FOCAD: variants seen among roughly 807,000 people sequenced by gnomAD.
FOCAD encodes the protein focadhesin.
Under a neutral mutation model 225.6 loss-of-function variants are expected in FOCAD, and 198 were observed. That is an observed-to-expected ratio of 0.88 (90% confidence interval 0.78 to 0.99). The LOEUF is 0.99. FOCAD is among the 50% of genes least tolerant of loss of function. FOCAD has a pLI of 0.00. For synonymous variants in FOCAD, 897 were observed against 755.0 expected (o/e 1.19, Z -3.08); for missense variants, 2,713 against 2,123.6 (o/e 1.28, Z -5.46).
chr9:20,931,105 T>C (rs1055231698), intron 27 of FOCAD, among the ~76,000 whole-genome samples: 3 of 152,216 alleles, frequency 2.0e-5, no homozygotes, highest in Non-Finnish European at 4.4e-5. Context: ...CTGCTGCTTT[T>C]AGGCTGACAA....
intron 35 of FOCAD, among the ~76,000 whole-genome samples, chr9:20,963,890 G>A (rs1163659751): frequency 5.9e-5 from 9 of 152,124 alleles, no homozygotes; most frequent in Admixed American, 5.2e-4. Flanking sequence ...TGCCTTGCTT[G>A]TTTCTTCTCA....
intron 40 of FOCAD, among the ~76,000 whole-genome samples, chr9:20,987,015 C>G (rs186662640): frequency 6.6e-6 from 1 of 152,014 alleles, no homozygotes; most frequent in Non-Finnish European, 1.5e-5. Context: ...TGAATAAGAG[C>G]GCTCCCCCAT....
rs1459918562 is a variant in FOCAD, at chr9:20,926,314, T to C, written c.2975T>C (p.Phe992Ser). 1.2e-6 allele frequency: 2 copies of C among 1,606,904 alleles called. No individual in the cohort carries two copies. The highest frequency in any genetic ancestry group is 1.7e-6 in the Non-Finnish European group (2 of 1,173,790). ...ATTCATCTGCAGGTTCAACCTAATT[T>C]CCTTTCAATGAAAGAGTGGGTTTCC... is the stretch of plus-strand genomic sequence containing the variant. ...SDGLLEVQPN[F>S]LSMKEWVSMV... is the part of the protein sequence containing the mutation. The change falls in exon 26 of 44, where the codon TTC becomes TCC. Residue 992 changes from phenylalanine (F) to serine (S), a missense_variant. Coordinates refer to ENST00000338382, the MANE Select transcript of FOCAD (RefSeq NM_001375567.1).
chr9:20,817,279 T>C lies in FOCAD; in HGVS notation c.1456-2517T>C, dbSNP rs370702641. 7.9e-5 allele frequency among the ~76,000 whole-genome samples: 12 copies of C among 152,254 alleles called. No individual in the cohort carries two copies. The South Asian group carries it at 2.5e-3, about 32-fold the overall frequency. On this transcript the variant is annotated intron_variant, in intron 11 of 43. Transcript: ENST00000338382. Reference sequence around the variant, plus strand: ...ATGGCTTTTATTATATTTACAGAGTTTTGTAAACATTACTACAACGAATTT... The same window carrying C: ...ATGGCTTTTATTATATTTACAGAGTCTTGTAAACATTACTACAACGAATTT...
Position 20,926,306 on chromosome 9 carries a change from A to T in FOCAD, c.2967A>T (p.Gln989His). Residue 989 changes from glutamine (Q) to histidine (H), a missense_variant, in exon 26 of 44, where the codon CAA becomes CAT. Physicochemically the swap from Gln to His is conservative, Grantham distance 24. Coordinates refer to ENST00000338382, the MANE Select transcript of FOCAD (RefSeq NM_001375567.1). Reference sequence around the variant, plus strand: ...TGTTTTTAATTCATCTGCAGGTTCAACCTAATTTCCTTTCAATGAAAGAGT... The same window carrying T: ...TGTTTTTAATTCATCTGCAGGTTCATCCTAATTTCCTTTCAATGAAAGAGT... The part of the protein sequence containing the change: ...SSDSDGLLEV[Q>H]PNFLSMKEWV... The T allele has an allele frequency of 6.3e-7, 1 of 1,595,582 alleles. No homozygotes were observed. The highest frequency in any genetic ancestry group is 8.6e-7 in the Non-Finnish European group (1 of 1,163,608).
rs1282395425 is a variant in FOCAD at position 20,661,695 on chromosome 9, T to C, written c.-78+2869T>C. Among the ~76,000 whole-genome samples the C allele has an allele frequency of 2.2e-4, 33 of 152,212 alleles. 1 individual carries two copies. The highest frequency in any genetic ancestry group is 2.1e-3 in the Admixed American group (32 of 15,270). On this transcript the variant is annotated intron_variant, in intron 2 of 45. Transcript: ENST00000380249. ...TGTCTAATTTTCATATTGCTAAACA[T>C]AGGATACATTGAGTACATATTGCTG...
intron 1 of FOCAD, among the ~76,000 whole-genome samples, chr9:20,715,002 A>C (rs1825216694): frequency 6.6e-6 from 1 of 152,182 alleles, no homozygotes; most frequent in Non-Finnish European, 1.5e-5. Context: ...TCCACAAAAG[A>C]ATTAATTTCT....
intron 24 of FOCAD, 108 bp downstream of exon 24, chr9:20,917,045 G>C: frequency 1.2e-6 from 1 of 817,446 alleles, no homozygotes; most frequent in Non-Finnish European, 1.9e-6. Flanking sequence ...GGATTTTAGA[G>C]TACTTTTCAA....
chr9:20,821,616 G>A (rs1357506205), intron 14 of FOCAD, among the ~76,000 whole-genome samples: 1 of 151,964 alleles, frequency 6.6e-6, no homozygotes, highest in African/African-American at 2.4e-5. Flanking sequence ...TAATAAACAG[G>A]GTGGAGGTGA....
intron 1 of FOCAD, among the ~76,000 whole-genome samples, chr9:20,704,185 CTTTG>C (rs1417758585): frequency 6.6e-6 from 1 of 152,204 alleles, no homozygotes. Context: ...ACTGCGATAA[CTTTG>C]TTTTTGTCCT....
upstream of FOCAD, chr9:20,683,450 C>G (rs1822468962): frequency 6.6e-6 from 1 of 152,146 alleles, no homozygotes; most frequent in African/African-American, 2.4e-5. Context: ...CTCCGTCATA[C>G]CAGTCTCTCC....
intron 15 of FOCAD, among the ~76,000 whole-genome samples, chr9:20,858,212 A>G (rs1358138081): frequency 6.6e-6 from 1 of 151,752 alleles, no homozygotes; most frequent in Non-Finnish European, 1.5e-5. Context: ...CAATGAAGCC[A>G]TCAGATTATT....
Position 20,823,002 on chromosome 9 carries a change from G to T in FOCAD, c.1807G>T (p.Gly603Cys). 6.3e-7 allele frequency: 1 copy of T among 1,598,214 alleles called. No homozygotes were observed. Among genetic ancestry groups the T allele is most frequent in the Non-Finnish European group, 8.5e-7 (1 of 1,174,976 alleles). Residue 603 changes from glycine to cysteine, a missense_variant, in exon 15 of 44, where the codon GGT (glycine) becomes TGT (cysteine). Transcript: ENST00000338382. ...DICKQRPYQH[G>C]ADMLAAISQV... ...CATTTCTTGTAGGCCATATCAACAT[G>T]GTGCAGATATGTTGGCAGCTATTTC...
intron 3 of FOCAD, among the ~76,000 whole-genome samples, chr9:20,719,474 G>A (rs1825607319): frequency 6.6e-6 from 1 of 151,530 alleles, no homozygotes; most frequent in African/African-American, 2.4e-5. Flanking sequence ...GTTGCATCAG[G>A]AAAAAGGAAA....
At chr9:20,926,452 C>G (rs1834954534) in intron 26 of FOCAD, 35 bp downstream of exon 26, 1 of 1,293,494 alleles carries the variant, frequency 7.7e-7, no homozygotes, top group Non-Finnish European at 1.1e-6. Context: ...TCAGAAAACT[C>G]AAGAATTGAC....
upstream of FOCAD, chr9:20,684,251 C>T (rs945757885): frequency 2.0e-5 from 3 of 152,482 alleles, no homozygotes; most frequent in South Asian, 4.1e-4. Flanking sequence ...GGGCGGGCCA[C>T]GTCAGGCAGC....
intron 4 of FOCAD, among the ~76,000 whole-genome samples, chr9:20,721,836 C>T (rs532975930): frequency 2.5e-4 from 38 of 151,300 alleles, no homozygotes; most frequent in Non-Finnish European, 4.7e-4. Context: ...CTTTTTGGCA[C>T]CTTGGTCTTA....
chr9:20,950,671 C>G (rs1837604827), intron 33 of FOCAD, among the ~76,000 whole-genome samples: 1 of 152,104 alleles, frequency 6.6e-6, no homozygotes, highest in Non-Finnish European at 1.5e-5. Flanking sequence ...CCCTTTTGTA[C>G]TTTCTGGATT....
chr9:20,784,787 C>G (rs915549172), intron 10 of FOCAD, among the ~76,000 whole-genome samples: 2 of 152,110 alleles, frequency 1.3e-5, no homozygotes, highest in Non-Finnish European at 2.9e-5. Context: ...TCTTAAAAAT[C>G]AGAAAATTCG....
Sources: gnomAD v4.1 joint callset for allele counts (sites outside exome capture counted in the v4.1 genomes callset) on GRCh38, gnomAD v4.1.1 for gene constraint, MANE v1.5 for transcripts, NCBI Gene and HGNC (gene_info 2026-07-23, HGNC 2026-07-21) for gene names.